CPNE4: variants seen among roughly 807,000 people sequenced by gnomAD.
The protein encoded by CPNE4 is copine 4, also known as copine-4.
Under a neutral mutation model 67.9 loss-of-function variants are expected in CPNE4, and 25 were observed. The observed-to-expected ratio is 0.37, with a 90% CI of 0.27 to 0.51. The LOEUF (loss-of-function observed/expected upper bound fraction) is 0.51, where lower values mean the gene tolerates loss of function less well. Among genes scored for constraint, CPNE4 ranks in the 20% least tolerant of loss-of-function variants. The pLI, the probability that CPNE4 is intolerant of heterozygous loss-of-function variation, is 0.93. For synonymous variants in CPNE4, 242 were observed against 244.9 expected (o/e 0.99, Z 0.11); for missense variants, 464 against 690.8 (o/e 0.67, Z 3.68).
At chr3:131,873,929 C>T (rs2087325311) in intron 2 of CPNE4, among the ~76,000 whole-genome samples, 1 of 152,196 alleles carries the variant, frequency 6.6e-6, no homozygotes, top group South Asian at 2.1e-4. Context: ...AGATAACCTT[C>T]CCCTCCACCT....
chr3:131,880,298 G>T (rs1458728939), intron 2 of CPNE4, among the ~76,000 whole-genome samples: 1 of 151,944 alleles, frequency 6.6e-6, no homozygotes, highest in Non-Finnish European at 1.5e-5. Context: ...TGTGTTTTTA[G>T]TAGAGACGGG....
intron 2 of CPNE4, among the ~76,000 whole-genome samples, chr3:131,820,637 G>A (rs1339021033): frequency 6.6e-6 from 1 of 152,096 alleles, no homozygotes; most frequent in South Asian, 2.1e-4. Context: ...TAGAAGTTCT[G>A]GTATCCAGAA....
In CPNE4 at chr3:131,856,250, G is replaced by A. The variant is rs1447142163; in HGVS notation, c.180+49014C>T. Among the ~76,000 whole-genome samples the A allele has an allele frequency of 3.3e-5, 5 of 151,792 alleles. No individual in the cohort carries two copies. In the South Asian group the frequency reaches 6.2e-4, roughly 19 times the overall value. On this transcript the variant is annotated intron_variant, in intron 2 of 15. Transcript: ENST00000429747. The stretch of plus-strand genomic sequence containing the variant: ...AACGTGTTTTATGTTTATGGTTTAT[G>A]TTTATAAAAACATAAACCATGTCTT...
chr3:131,654,182 C>T (rs1221535057), intron 7 of CPNE4, among the ~76,000 whole-genome samples: 2 of 152,154 alleles, frequency 1.3e-5, no homozygotes, highest in East Asian at 3.9e-4. Context: ...CCACTGTGGT[C>T]CCACCTGGTA....
At position 132,029,275 on chromosome 3, in the gene CPNE4, C is replaced by G. The variant is rs537309367; in HGVS notation, c.-2+5292G>C. 2.9e-4 allele frequency among the ~76,000 whole-genome samples: 44 copies of G among 152,300 alleles called. No homozygotes were observed. The East Asian group carries it at 3.5e-3, about 12-fold the overall frequency. ...AGCCGCGGAGCAACCTAACCAGGCA[C>G]TGGAAGACACCACCAGATGCTCAGG... On this transcript the variant is annotated intron_variant, in intron 1 of 15. Coordinates refer to ENST00000429747, the MANE Select transcript of CPNE4 (RefSeq NM_130808.3).
intron 4 of CPNE4, 26 bp downstream of exon 4, chr3:131,699,883 C>T: frequency 6.2e-7 from 1 of 1,602,918 alleles, no homozygotes; most frequent in Non-Finnish European, 8.5e-7. Flanking sequence ...CTCAGGCAGA[C>T]AGCTGCTTAG....
At chr3:131,990,531 A>G (rs2073153672) in intron 1 of CPNE4, among the ~76,000 whole-genome samples, 1 of 136,320 alleles carries the variant, frequency 7.3e-6, no homozygotes, top group African/African-American at 2.5e-5. Flanking sequence ...TCAAGTACAT[A>G]TTCAATAAAA....
chr3:131,651,394 C>A (rs75679583), intron 7 of CPNE4, among the ~76,000 whole-genome samples: 6,694 of 152,258 alleles, frequency 0.044, 490 homozygotes, highest in African/African-American at 0.15. Flanking sequence ...TATTTCTTCT[C>A]TTCCTTTTTC....
At chr3:131,915,878 T>C (rs1170272451) in intron 1 of CPNE4, among the ~76,000 whole-genome samples, 2 of 152,186 alleles carry the variant, frequency 1.3e-5, no homozygotes, top group Non-Finnish European at 2.9e-5. Context: ...AAGATGAGAT[T>C]TCTCCAGAAA....
At chr3:131,651,967 G>A (rs554048877) in intron 7 of CPNE4, among the ~76,000 whole-genome samples, 12 of 152,206 alleles carry the variant, frequency 7.9e-5, no homozygotes, top group African/African-American at 7.2e-5. Context: ...TCCCAACACC[G>A]GTGTACCCAG....
chr3:131,944,604 C>T (rs1300231731), intron 1 of CPNE4, among the ~76,000 whole-genome samples: 1 of 151,892 alleles, frequency 6.6e-6, no homozygotes, highest in African/African-American at 2.4e-5. Context: ...TCCTCTCTCT[C>T]CCTACAGATG....
intron 1 of CPNE4, among the ~76,000 whole-genome samples, chr3:132,031,905 GC>G (rs2074244324): frequency 6.6e-6 from 1 of 151,988 alleles, no homozygotes; most frequent in Non-Finnish European, 1.5e-5. Context: ...AAGAATCAAA[GC>G]TTTTTTCTAT....
At chr3:131,883,749 T>G (rs1417587598) in intron 2 of CPNE4, among the ~76,000 whole-genome samples, 1 of 152,184 alleles carries the variant, frequency 6.6e-6, no homozygotes, top group Non-Finnish European at 1.5e-5. Flanking sequence ...ATCTACCCTC[T>G]TCACAAAATT....
intron 2 of CPNE4, among the ~76,000 whole-genome samples, chr3:131,850,413 T>A (rs2086193619): frequency 6.6e-6 from 1 of 152,116 alleles, no homozygotes; most frequent in Admixed American, 6.6e-5. Flanking sequence ...GACAAGTTAC[T>A]TAACTTCTCT....
intron 7 of CPNE4, among the ~76,000 whole-genome samples, chr3:131,637,370 A>G (rs368383796): frequency 5.9e-5 from 9 of 152,222 alleles, no homozygotes; most frequent in East Asian, 1.9e-4. Flanking sequence ...CTGGAAATCA[A>G]TGAAATACTT....
chr3:132,002,990 C>T (rs753983658), intron 1 of CPNE4, among the ~76,000 whole-genome samples: 1 of 152,060 alleles, frequency 6.6e-6, no homozygotes, highest in Non-Finnish European at 1.5e-5. Context: ...GGCCCCATTC[C>T]AGACCTACTG....
At chr3:131,958,624 T>C (rs867286475) in intron 1 of CPNE4, among the ~76,000 whole-genome samples, 5,378 of 125,684 alleles carry the variant, frequency 0.043, 197 homozygotes, top group African/African-American at 0.056. Context: ...TTTTTTTTTT[T>C]TTTTTTTTTT....
intron 1 of CPNE4, among the ~76,000 whole-genome samples, chr3:131,945,185 C>G (rs1218458225): frequency 1.7e-5 from 2 of 118,734 alleles, no homozygotes; most frequent in East Asian, 5.2e-4. Context: ...AGTCCACATA[C>G]TATACCAGAT....
chr3:131,795,341 C>A (rs886295320), intron 2 of CPNE4, among the ~76,000 whole-genome samples: 8 of 152,178 alleles, frequency 5.3e-5, no homozygotes, highest in African/African-American at 1.7e-4. Context: ...AATCCACCAA[C>A]TGACTGAACA....
Sources: gnomAD v4.1 joint callset for allele counts (sites outside exome capture counted in the v4.1 genomes callset) on GRCh38, gnomAD v4.1.1 for gene constraint, MANE v1.5 for transcripts, NCBI Gene and HGNC (gene_info 2026-07-23, HGNC 2026-07-21) for gene names.